COL6A6: variants seen among roughly 807,000 people sequenced by gnomAD.
COL6A6 encodes collagen type VI alpha 6 chain.
A neutral mutation model predicts 208.6 loss-of-function variants in COL6A6; 183 were observed. The observed-to-expected ratio is 0.88, with a 90% CI of 0.78 to 0.99. The LOEUF (loss-of-function observed/expected upper bound fraction) is 0.99. Among genes scored for constraint, COL6A6 ranks in the 50% least tolerant of loss-of-function variants. The pLI, the probability that COL6A6 is intolerant of heterozygous loss-of-function variation, is 0.00. For missense variants in COL6A6, 2,816 were observed against 2,815.2 expected (o/e 1.00, Z -0.01); for synonymous variants, 973 against 1,011.8 (o/e 0.96, Z 0.73).
In COL6A6 at chr3:130,565,575, GTC is replaced by G. The variant is rs1350873509; in HGVS notation, c.1247_1248del (p.Ser416CysfsTer7). The G allele has an allele frequency of 3.7e-6, 6 of 1,613,436 alleles. No homozygotes were observed. Among genetic ancestry groups the G allele is most frequent in the Middle Eastern group, 1.6e-4 (1 of 6,084 alleles). On this transcript the variant is annotated frameshift_variant, in exon 4 of 37. Coordinates refer to ENST00000358511, the MANE Select transcript of COL6A6 (RefSeq NM_001102608.3). LOFTEE classifies it high-confidence loss of function. ...GCTGCGGAACCAAATAACACACACAGTCTCTGTCTTTTCAGAGAGGACTGAAA... is the reference window on the plus strand; with the variant it reads ...GCTGCGGAACCAAATAACACACACAGTCTGTCTTTTCAGAGAGGACTGAAA... ...KKLRNQITHT[V>X]SVFSERTETL...
intron 1 of COL6A6, among the ~76,000 whole-genome samples, chr3:130,553,304 T>C (rs1430226061): frequency 6.6e-6 from 1 of 152,248 alleles, no homozygotes; most frequent in African/African-American, 2.4e-5. Context: ...GATTGGTCTC[T>C]GTACATAATT....
rs752391983 is a variant in COL6A6 at position 130,662,237 on chromosome 3, T to G, written c.6431T>G (p.Leu2144Arg). 1.9e-6 allele frequency: 3 copies of G among 1,614,040 alleles called. No homozygotes were observed. The highest frequency in any genetic ancestry group is 2.5e-6 in the Non-Finnish European group (3 of 1,179,888). The change falls in exon 35 of 37, where the codon CTT becomes CGT. Residue 2144 changes from leucine to arginine, a missense_variant. Transcript: ENST00000358511. ...SHPLDHHLVQ[L>R]GRIHKPDHSY... ...CCTTTGGATCACCACCTGGTCCAGC[T>G]TGGCCGAATTCATAAACCTGACCAC...
intron 10 of COL6A6, among the ~76,000 whole-genome samples, chr3:130,585,980 G>A (rs559482822): frequency 6.6e-6 from 1 of 152,288 alleles, no homozygotes; most frequent in Admixed American, 6.5e-5. Context: ...TTTGAGACAG[G>A]GTTTTGCTCT....
rs2066344985 is a variant in COL6A6, at chr3:130,675,801, T to A, written c.*404T>A. The A allele has an allele frequency of 6.5e-6, 1 of 154,474 alleles. No individual in the cohort carries two copies. Among genetic ancestry groups the A allele is most frequent in the Admixed American group, 6.5e-5 (1 of 15,376 alleles). 9.6% of individuals were successfully genotyped at this position (154,474 alleles called of 1,614,324 possible). The stretch of plus-strand genomic sequence containing the variant: ...TAATGTCTAATGCTCATCTATTTAG[T>A]CAAAGTTATTTTTTAATGTTTTAAG... On this transcript the variant is annotated 3_prime_UTR_variant, in exon 37 of 37. Transcript: ENST00000358511.
chr3:130,580,972 C>A (rs1246028764), intron 8 of COL6A6, among the ~76,000 whole-genome samples: 1 of 151,686 alleles, frequency 6.6e-6, no homozygotes, highest in Non-Finnish European at 1.5e-5. Context: ...TTACACCAAG[C>A]AAGATCTCAA....
At chr3:130,580,264 TC>T (rs1163196152) in intron 8 of COL6A6, among the ~76,000 whole-genome samples, 1 of 152,214 alleles carries the variant, frequency 6.6e-6, no homozygotes, top group East Asian at 1.9e-4. Context: ...TCTGCTTTTT[TC>T]TAAATAGTTT....
intron 1 of COL6A6, among the ~76,000 whole-genome samples, chr3:130,527,890 CTTTTTTTTTT>C (rs56110472): frequency 5.4e-4 from 31 of 57,846 alleles, no homozygotes; most frequent in Non-Finnish European, 7.0e-4. Flanking sequence ...GTTACTTTTC[CTTTTTTTTTT>C]TTTTTTTTTT....
rs190974112 is a variant in COL6A6 at position 130,640,206 on chromosome 3, G to A, written c.5092-1446G>A. Among the ~76,000 whole-genome samples, 7 of 152,256 alleles carry A rather than the reference G, an allele frequency of 4.6e-5. No individual in the cohort carries two copies. In the East Asian group the frequency reaches 5.8e-4, roughly 13 times the overall value. ...TGCCAAATCCTCAGCCTTCTGGGACGTATGATATAAAACACATTGGTTCTT... is the reference window on the plus strand; with the variant it reads ...TGCCAAATCCTCAGCCTTCTGGGACATATGATATAAAACACATTGGTTCTT... On this transcript the variant is annotated intron_variant, in intron 28 of 36. Coordinates refer to ENST00000358511, the MANE Select transcript of COL6A6 (RefSeq NM_001102608.3).
rs753875736 is a variant in COL6A6 at position 130,574,063 on chromosome 3, G to A, written c.3085G>A (p.Asp1029Asn). The change falls in exon 8 of 37, where the codon GAC becomes AAC. Residue 1029 changes from aspartate (D) to asparagine (N), a missense_variant. Transcript: ENST00000358511. ...MKEFLASVVQ[D>N]FDVSLNRVRI... is the part of the protein sequence containing the mutation. ...GGAATTTCTGGCATCTGTTGTTCAA[G>A]ACTTTGATGTCAGCCTCAACAGAGT... 1.9e-5 allele frequency: 30 copies of A among 1,613,850 alleles called. No homozygotes were observed. In the East Asian group the frequency reaches 6.5e-4, roughly 35 times the overall value.
intron 1 of COL6A6, among the ~76,000 whole-genome samples, chr3:130,522,868 A>C (rs941100537): frequency 6.6e-6 from 1 of 150,888 alleles, no homozygotes. Flanking sequence ...TGCATTTCCA[A>C]AACACCGTCA....
chr3:130,621,760 G>T, intron 23 of COL6A6, 61 bp from the exon 24 acceptor site: 4 of 1,408,716 alleles, frequency 2.8e-6, no homozygotes, highest in Non-Finnish European at 3.0e-6. Flanking sequence ...ATAAGACAGA[G>T]GGTTTGAAGA....
At chr3:130,518,686 A>G (rs929268924) in intron 1 of COL6A6, among the ~76,000 whole-genome samples, 1 of 152,194 alleles carries the variant, frequency 6.6e-6, no homozygotes, top group Non-Finnish European at 1.5e-5. Context: ...TTGTATTTTT[A>G]GTAGAGACGG....
At chr3:130,663,250 C>T (rs2065983377) in intron 35 of COL6A6, among the ~76,000 whole-genome samples, 1 of 149,836 alleles carries the variant, frequency 6.7e-6, no homozygotes, top group African/African-American at 2.4e-5. Context: ...GATAGTATAT[C>T]CTCTATGATT....
At chr3:130,608,794 A>ATTT in intron 21 of COL6A6, 108 bp from the exon 22 acceptor site, 1 of 194,840 alleles carries the variant, frequency 5.1e-6, no homozygotes, top group Non-Finnish European at 9.0e-6. Context: ...TTTTTTTGCA[A>ATTT]AGATCCTGCA....
At chr3:130,590,287 ATATATATATATATTTTTTTTTTTTTTTT>A (rs1446209466) in intron 12 of COL6A6, among the ~76,000 whole-genome samples, 2 of 16,706 alleles carry the variant, frequency 1.2e-4, no homozygotes, top group African/African-American at 5.6e-4. Context: ...ATATATATAT[ATATATATATATATTTTTTTTTTTTTTTT>A]TTTTTTTTTT....
chr3:130,612,052 T>C (rs1337829489), intron 23 of COL6A6, among the ~76,000 whole-genome samples: 1 of 152,174 alleles, frequency 6.6e-6, no homozygotes, highest in Non-Finnish European at 1.5e-5. Context: ...TCTGTTCCTG[T>C]GGTAGTTTGC....
chr3:130,563,551 A>G lies in COL6A6; in HGVS notation c.548A>G (p.His183Arg). The change falls in exon 3 of 37, where the codon CAT becomes CGT. Residue 183 changes from histidine to arginine, a missense_variant. Coordinates refer to ENST00000358511, the MANE Select transcript of COL6A6 (RefSeq NM_001102608.3). ...AAGGCCATGGCCACGTCTCAGTTTC[A>G]TTTCAACCTTCGGACAGTCAGAGAC... ...NLKAMATSQF[H>R]FNLRTVRDLS... The G allele has an allele frequency of 6.2e-7, 1 of 1,614,010 alleles. No homozygotes were observed. The highest frequency in any genetic ancestry group is 8.5e-7 in the Non-Finnish European group (1 of 1,179,900).
intron 33 of COL6A6, among the ~76,000 whole-genome samples, chr3:130,651,364 T>A (rs1373646016): frequency 7.0e-6 from 1 of 143,092 alleles, no homozygotes; most frequent in African/African-American, 2.6e-5. Context: ...AGGCAGAGGT[T>A]GCAGTGAGCC....
intron 23 of COL6A6, among the ~76,000 whole-genome samples, chr3:130,616,945 A>G (rs1217483028): frequency 3.3e-5 from 5 of 152,164 alleles, no homozygotes; most frequent in African/African-American, 9.7e-5. Flanking sequence ...TAATGTATGT[A>G]GGTGCTTAGA....
Sources: allele counts gnomAD v4.1 joint callset (sites outside exome capture counted in the v4.1 genomes callset), GRCh38; gene constraint gnomAD v4.1.1; transcripts MANE v1.5; gene names NCBI Gene and HGNC (gene_info 2026-07-23, HGNC 2026-07-21).